ZNF804B: variants seen among roughly 807,000 people sequenced by gnomAD.
ZNF804B encodes zinc finger protein 804B.
A neutral mutation model predicts 101.4 loss-of-function variants in ZNF804B; 80 were observed. That is an observed-to-expected ratio of 0.79 (90% confidence interval 0.66 to 0.95). The LOEUF is 0.95. ZNF804B is among the 40% of genes least tolerant of loss of function. The pLI, the probability that ZNF804B is intolerant of heterozygous loss-of-function variation, is 0.00. For missense variants in ZNF804B, 1,673 were observed against 1,561.9 expected (o/e 1.07, Z -1.20); for synonymous variants, 622 against 558.8 (o/e 1.11, Z -1.59).
chr7:88,967,877 C>T (rs144024309), intron 1 of ZNF804B, among the ~76,000 whole-genome samples: 3 of 151,482 alleles, frequency 2.0e-5, no homozygotes, highest in Non-Finnish European at 4.4e-5. Flanking sequence ...CCAGTAACTT[C>T]ATTAGAGTTA....
At chr7:89,239,907 T>C (rs1278108797) in intron 2 of ZNF804B, among the ~76,000 whole-genome samples, 1 of 151,724 alleles carries the variant, frequency 6.6e-6, no homozygotes, top group Non-Finnish European at 1.5e-5. Flanking sequence ...TTATATATGG[T>C]CTCTTATAAT....
At chr7:88,864,771 G>A (rs948992472) in intron 1 of ZNF804B, among the ~76,000 whole-genome samples, 14 of 152,234 alleles carry the variant, frequency 9.2e-5, no homozygotes, top group African/African-American at 3.4e-4. Flanking sequence ...TGGTCAACAG[G>A]GGCCCACAGG....
intron 1 of ZNF804B, among the ~76,000 whole-genome samples, chr7:88,960,519 A>G (rs1384576141): frequency 6.7e-6 from 1 of 150,352 alleles, no homozygotes; most frequent in Non-Finnish European, 1.5e-5. Flanking sequence ...AGAAACGTAG[A>G]AATAAGGAGG....
intron 2 of ZNF804B, among the ~76,000 whole-genome samples, chr7:89,219,070 T>C (rs533172268): frequency 2.6e-5 from 4 of 151,304 alleles, no homozygotes; most frequent in Non-Finnish European, 4.4e-5. Flanking sequence ...AGATTTAGAA[T>C]CCTGGACTAG....
chr7:89,332,312 C>T (rs1790997420), intron 3 of ZNF804B, among the ~76,000 whole-genome samples: 1 of 151,672 alleles, frequency 6.6e-6, no homozygotes, highest in Non-Finnish European at 1.5e-5. Context: ...AAGCACTACT[C>T]TACATTAGAA....
At chr7:89,061,031 A>C (rs895735867) in intron 1 of ZNF804B, among the ~76,000 whole-genome samples, 4 of 152,096 alleles carry the variant, frequency 2.6e-5, no homozygotes, top group Admixed American at 2.6e-4. Flanking sequence ...CACAATTACC[A>C]ACCGTAGTAA....
intron 1 of ZNF804B, among the ~76,000 whole-genome samples, chr7:89,096,286 A>T (rs1043893550): frequency 2.0e-5 from 3 of 152,178 alleles, no homozygotes; most frequent in Non-Finnish European, 4.4e-5. Flanking sequence ...TACAAGTAGG[A>T]TCAGAATGTA....
At chr7:88,916,093 G>A (rs540706389) in intron 1 of ZNF804B, among the ~76,000 whole-genome samples, 1 of 152,086 alleles carries the variant, frequency 6.6e-6, no homozygotes, top group Non-Finnish European at 1.5e-5. Flanking sequence ...AAACTCTTGT[G>A]AGAAATTCTT....
intron 1 of ZNF804B, among the ~76,000 whole-genome samples, chr7:89,163,965 T>C (rs1791105538): frequency 6.6e-6 from 1 of 152,052 alleles, no homozygotes; most frequent in African/African-American, 2.4e-5. Flanking sequence ...TATAAGCTGA[T>C]ATTTTTACGC....
At chr7:88,928,300 C>G (rs1792835920) in intron 1 of ZNF804B, among the ~76,000 whole-genome samples, 1 of 152,118 alleles carries the variant, frequency 6.6e-6, no homozygotes. Context: ...GTGTGTTTCT[C>G]TTGCTTCCAC....
chr7:89,185,235 G>A (rs903940458), intron 1 of ZNF804B, among the ~76,000 whole-genome samples: 1 of 152,160 alleles, frequency 6.6e-6, no homozygotes, highest in African/African-American at 2.4e-5. Flanking sequence ...TAAACACATG[G>A]CTGAAGCTAT....
chr7:88,939,767 TAAAAAA>T (rs956798325), intron 1 of ZNF804B, among the ~76,000 whole-genome samples: 1 of 138,982 alleles, frequency 7.2e-6, no homozygotes, highest in Admixed American at 7.2e-5. Context: ...AGTGATCTAA[TAAAAAA>T]AAAAAGCTTG....
chr7:88,765,933 A>G (rs1351793047), intron 1 of ZNF804B, among the ~76,000 whole-genome samples: 5 of 152,188 alleles, frequency 3.3e-5, no homozygotes, highest in Non-Finnish European at 7.3e-5. Flanking sequence ...AAAATAAATT[A>G]CTTTCTACCT....
chr7:89,016,720 A>G lies in ZNF804B; in HGVS notation c.109-201435A>G, dbSNP rs191025840. Among the ~76,000 whole-genome samples, 723 of 152,270 alleles carry G rather than the reference A, an allele frequency of 4.7e-3. 7 individuals carry two copies. The highest frequency in any genetic ancestry group is 0.016 in the African/African-American group (665 of 41,538). On this transcript the variant is annotated intron_variant, in intron 1 of 3. Coordinates refer to ENST00000333190, the MANE Select transcript of ZNF804B (RefSeq NM_181646.5). ...ATATGTCTGTTTTGGTACCAGTACC[A>G]TGCTGTTTTGGTTACTGTAGCCTTG...
intron 3 of ZNF804B, 44 bp from the exon 4 acceptor site, chr7:89,333,319 C>A: frequency 6.8e-7 from 1 of 1,466,858 alleles, no homozygotes; most frequent in Non-Finnish European, 9.0e-7. Context: ...GATATGATTC[C>A]AAAGCTAATC....
intron 1 of ZNF804B, among the ~76,000 whole-genome samples, chr7:88,845,291 G>GCGCACACACA (rs1261617236): frequency 1.3e-3 from 135 of 106,542 alleles, no homozygotes; most frequent in African/African-American, 4.8e-3. Context: ...ACGCGCGCGC[G>GCGCACACACA]CACGCGCGCG....
At chr7:89,230,631 A>C (rs1032719126) in intron 2 of ZNF804B, among the ~76,000 whole-genome samples, 1 of 152,150 alleles carries the variant, frequency 6.6e-6, no homozygotes, top group African/African-American at 2.4e-5. Flanking sequence ...GCACTAATAT[A>C]GTCAACTCTT....
rs369163493 is a variant in ZNF804B at position 89,113,778 on chromosome 7, T to C, written c.109-104377T>C. On this transcript the variant is annotated intron_variant, in intron 1 of 3. Coordinates refer to ENST00000333190, the MANE Select transcript of ZNF804B (RefSeq NM_181646.5). Reference sequence around the variant, plus strand: ...CCATCCTGGCCAACATAGTGAAACCTCGTCTCTACTAAAAATACAAAAATT... The same window carrying C: ...CCATCCTGGCCAACATAGTGAAACCCCGTCTCTACTAAAAATACAAAAATT... Among the ~76,000 whole-genome samples the C allele has an allele frequency of 3.5e-4, 53 of 152,050 alleles. 1 individual carries two copies. The South Asian group carries it at 0.011, about 31-fold the overall frequency.
In ZNF804B at chr7:88,926,002, T is replaced by C. The variant is rs1427080457; in HGVS notation, c.108+165918T>C. Among the ~76,000 whole-genome samples, 4 of 152,100 alleles carry C rather than the reference T, an allele frequency of 2.6e-5. No homozygotes were observed. The East Asian group carries it at 7.7e-4, about 29-fold the overall frequency. On this transcript the variant is annotated intron_variant, in intron 1 of 3. Coordinates refer to ENST00000333190, the MANE Select transcript of ZNF804B (RefSeq NM_181646.5). Reference sequence around the variant, plus strand: ...GATGTTGGGAGACCTGCCCATAGACTGGAGTCAGGTACTAGAAAGAAATGG... The same window carrying C: ...GATGTTGGGAGACCTGCCCATAGACCGGAGTCAGGTACTAGAAAGAAATGG...
Sources: gnomAD v4.1 joint callset for allele counts (sites outside exome capture counted in the v4.1 genomes callset) on GRCh38, gnomAD v4.1.1 for gene constraint, MANE v1.5 for transcripts, NCBI Gene and HGNC (gene_info 2026-07-23, HGNC 2026-07-21) for gene names.